CERS6: variants seen among roughly 807,000 people sequenced by gnomAD.
CERS6 encodes the protein ceramide synthase 6.
CERS6 carries 26 observed loss-of-function variants against 56.8 expected under a neutral mutation model. The ratio of observed to expected loss-of-function variants is 0.46; its 90% confidence interval spans 0.34 to 0.63. The LOEUF is 0.63. Among genes scored for constraint, CERS6 ranks in the 30% least tolerant of loss-of-function variants. The probability of loss-of-function intolerance (pLI) is 0.01; values close to 1 mark genes in which losing one functional copy is unlikely to be tolerated. For missense variants in CERS6, 415 were observed against 467.5 expected, an observed-to-expected ratio of 0.89 and a Z score of 1.04; for synonymous variants, 164 against 173.3, an observed-to-expected ratio of 0.95 and a Z score of 0.42.
intron 2 of CERS6, among the ~76,000 whole-genome samples, chr2:168,558,665 C>A (rs543104373): frequency 1.3e-5 from 2 of 152,142 alleles, no homozygotes; most frequent in African/African-American, 4.8e-5. Context: ...GTCAGGAGAT[C>A]GAGACCATCC....
At chr2:168,548,660 G>C (rs1188859732) in intron 2 of CERS6, among the ~76,000 whole-genome samples, 1 of 152,064 alleles carries the variant, frequency 6.6e-6, no homozygotes, top group Non-Finnish European at 1.5e-5. Context: ...TTCTTTTCTT[G>C]GTATTTGTGT....
chr2:168,650,829 A>G (rs59309516), intron 4 of CERS6, among the ~76,000 whole-genome samples: 1,857 of 152,282 alleles, frequency 0.012, 39 homozygotes, highest in African/African-American at 0.043. Context: ...CTGTCATACA[A>G]TATTGTCTTT....
chr2:168,594,524 G>A (rs981892420), intron 3 of CERS6, among the ~76,000 whole-genome samples: 2 of 152,168 alleles, frequency 1.3e-5, no homozygotes, highest in Non-Finnish European at 2.9e-5. Context: ...GGTTGAGGTT[G>A]TGGTGAGCTG....
In CERS6 at chr2:168,765,618, G is replaced by C. The variant is rs1451539285; in HGVS notation, c.872G>C (p.Ser291Thr). 1.2e-6 allele frequency: 2 copies of C among 1,613,724 alleles called. No homozygotes were observed. Among genetic ancestry groups the C allele is most frequent in the Non-Finnish European group, 1.7e-6 (2 of 1,179,930 alleles). Residue 291 changes from serine (S) to threonine (T), a missense_variant, in exon 9 of 10, where the codon AGC (serine) becomes ACC (threonine). Transcript: ENST00000305747. ...GTGTTAAATACCACATTATTTGAAA[G>C]CTGGGAGATCGTTGGACCTTACCCT... Reference protein sequence around the residue: ...LWVLNTTLFESWEIVGPYPSW... With the variant: ...LWVLNTTLFETWEIVGPYPSW...
chr2:168,543,327 A>G (rs1454953635), intron 1 of CERS6, among the ~76,000 whole-genome samples: 4 of 152,214 alleles, frequency 2.6e-5, no homozygotes, highest in Non-Finnish European at 4.4e-5. Flanking sequence ...TTGAAAGCAC[A>G]TATTTCCTTT....
rs146799584 is a variant in CERS6 at position 168,726,233 on chromosome 2, A to G, written c.845+8255A>G. ...TTAATACACAGAGAAAGGAGATTCA[A>G]TTAGTCAGTGATTCACCGGGCTCTC... is the stretch of plus-strand genomic sequence containing the variant. On this transcript the variant is annotated intron_variant, in intron 8 of 9. Transcript: ENST00000305747. 3.0e-3 allele frequency among the ~76,000 whole-genome samples: 462 copies of G among 152,354 alleles called. 2 individuals are homozygous for G. The highest frequency in any genetic ancestry group is 2.8e-3 in the Non-Finnish European group (191 of 68,032).
At chr2:168,507,524 G>A (rs1182582137) in intron 1 of CERS6, among the ~76,000 whole-genome samples, 3 of 152,114 alleles carry the variant, frequency 2.0e-5, no homozygotes, top group Admixed American at 6.6e-5. Context: ...AGAGCATTGC[G>A]TTGAAGGCAC....
intron 8 of CERS6, among the ~76,000 whole-genome samples, chr2:168,751,746 A>G (rs1684273791): frequency 6.6e-6 from 1 of 151,734 alleles, no homozygotes; most frequent in Admixed American, 6.6e-5. Context: ...TTTGTTTTCC[A>G]CTGTAAGTTC....
At chr2:168,588,480 A>G (rs1320593954) in intron 3 of CERS6, among the ~76,000 whole-genome samples, 1 of 152,164 alleles carries the variant, frequency 6.6e-6, no homozygotes, top group African/African-American at 2.4e-5. Context: ...TAATGACCGT[A>G]AGTACTTTAT....
intron 4 of CERS6, among the ~76,000 whole-genome samples, chr2:168,681,309 A>C (rs1686209242): frequency 6.6e-6 from 1 of 152,174 alleles, no homozygotes; most frequent in Admixed American, 6.5e-5. Flanking sequence ...TAGAATTATT[A>C]ATGATTTGTT....
intron 6 of CERS6, among the ~76,000 whole-genome samples, chr2:168,696,049 G>A (rs897490509): frequency 3.3e-5 from 5 of 152,096 alleles, no homozygotes; most frequent in South Asian, 2.1e-4. Flanking sequence ...CAAACATTCC[G>A]AAATCCAAGG....
chr2:168,471,619 C>A (rs1023045726), intron 1 of CERS6, among the ~76,000 whole-genome samples: 3 of 152,140 alleles, frequency 2.0e-5, no homozygotes, highest in African/African-American at 7.2e-5. Context: ...GACAAAAATA[C>A]TGCATTTAAA....
At chr2:168,543,272 A>G (rs575723705) in intron 1 of CERS6, among the ~76,000 whole-genome samples, 1 of 152,350 alleles carries the variant, frequency 6.6e-6, no homozygotes, top group African/African-American at 2.4e-5. Context: ...TTTGATTAAA[A>G]AAGTAATTAG....
chr2:168,508,735 G>T (rs917552249), intron 1 of CERS6, among the ~76,000 whole-genome samples: 5 of 152,112 alleles, frequency 3.3e-5, no homozygotes, highest in Admixed American at 6.5e-5. Flanking sequence ...GGGGAGGGGA[G>T]AGCATTAGGA....
At chr2:168,477,677 G>A (rs561021110) in intron 1 of CERS6, among the ~76,000 whole-genome samples, 1 of 152,238 alleles carries the variant, frequency 6.6e-6, no homozygotes, top group South Asian at 2.1e-4. Context: ...GTGTGAAGTG[G>A]CTGGGTCTGT....
At chr2:168,505,033 G>A (rs1443957471) in intron 1 of CERS6, among the ~76,000 whole-genome samples, 1 of 152,016 alleles carries the variant, frequency 6.6e-6, no homozygotes, top group Non-Finnish European at 1.5e-5. Flanking sequence ...CAATTGATAC[G>A]GTTTCTGAAG....
At chr2:168,681,686 ATTG>A (rs1295846578) in intron 4 of CERS6, among the ~76,000 whole-genome samples, 1 of 152,120 alleles carries the variant, frequency 6.6e-6, no homozygotes, top group African/African-American at 2.4e-5. Context: ...TACACAATAA[ATTG>A]TTGTTAGTTA....
At chr2:168,647,246 T>G (rs1322098966) in intron 4 of CERS6, among the ~76,000 whole-genome samples, 2 of 151,426 alleles carry the variant, frequency 1.3e-5, no homozygotes, top group Admixed American at 6.6e-5. Flanking sequence ...TCTTTTACCT[T>G]CCTGTATTCC....
chr2:168,692,427 C>G (rs1240796660), intron 5 of CERS6, among the ~76,000 whole-genome samples: 1 of 152,158 alleles, frequency 6.6e-6, no homozygotes, highest in Non-Finnish European at 1.5e-5. Context: ...GAATAACTTT[C>G]ATGTTCATGG....
Sources: gnomAD v4.1 joint callset for allele counts (sites outside exome capture counted in the v4.1 genomes callset) on GRCh38, gnomAD v4.1.1 for gene constraint, MANE v1.5 for transcripts, NCBI Gene and HGNC (gene_info 2026-07-23, HGNC 2026-07-21) for gene names.